Variants in ABCC3 observed in about 807,000 individuals in gnomAD.
ABCC3 encodes ATP binding cassette subfamily C member 3, also known as ATP-binding cassette sub-family C member 3.
A neutral mutation model predicts 165.3 loss-of-function variants in ABCC3; 121 were observed. The observed-to-expected ratio is 0.73, with a 90% confidence interval of 0.63 to 0.85. The LOEUF is 0.85. Ranked by LOEUF, ABCC3 falls within the 40% of genes least tolerant of loss-of-function variation. The pLI is 0.00. For synonymous variants in ABCC3, 733 were observed against 810.1 expected, an observed-to-expected ratio of 0.90 and a Z score of 1.62; for missense variants, 1,869 against 1,964.1, an observed-to-expected ratio of 0.95 and a Z score of 0.92.
At chr17:50,682,880 G>A (rs1967952327) in intron 26 of ABCC3, among the ~76,000 whole-genome samples, 1 of 152,158 alleles carries the variant, frequency 6.6e-6, no homozygotes, top group South Asian at 2.1e-4. Flanking sequence ...ATGAGAGGGG[G>A]AGTTAGGGCA....
rs1220727416 is a variant in ABCC3, at chr17:50,658,122, T to G, written c.527T>G (p.Ile176Ser). The change falls in exon 5 of 31, where the codon ATC (isoleucine) becomes AGC (serine). Residue 176 changes from isoleucine (I) to serine (S), a missense_variant. Ile to Ser is a moderately radical substitution (Grantham distance 142). Transcript: ENST00000285238. ...CCCTTCCGCTTCACCACCTTCTACA[T>G]CCACTTTGCCCTGGTACTCTCTGCC... ...SDPFRFTTFY[I>S]HFALVLSALI... 1.9e-6 allele frequency: 3 copies of G among 1,614,034 alleles called. No individual in the cohort carries two copies. Among genetic ancestry groups the G allele is most frequent in the Non-Finnish European group, 2.5e-6 (3 of 1,180,018 alleles).
chr17:50,683,622 G>A lies in ABCC3; in HGVS notation c.3820G>A (p.Val1274Met). ...CCCCTCCTGCCAGGCGCCCTGGGTG[G>A]TGGAAGGCAGCCGCCCTCCCGAAGG... The part of the protein sequence containing the change: ...SKTETEAPWV[V>M]EGSRPPEGWP... The change falls in exon 27 of 31, where the codon GTG becomes ATG. Residue 1274 changes from valine to methionine, a missense_variant. Physicochemically the swap from Val to Met is conservative, Grantham distance 21. Coordinates refer to ENST00000285238, the MANE Select transcript of ABCC3 (RefSeq NM_003786.4). 1 of 1,579,710 alleles carries A rather than the reference G, an allele frequency of 6.3e-7. No homozygotes were observed. The highest frequency in any genetic ancestry group is 1.1e-5 in the South Asian group (1 of 87,020).
At position 50,676,354 on chromosome 17, in the gene ABCC3, G is replaced by A. The variant is rs1967807812; in HGVS notation, c.3144G>A (p.Leu1048=). The A allele has an allele frequency of 6.2e-7, 1 of 1,614,198 alleles. No homozygotes were observed. Among genetic ancestry groups the A allele is most frequent in the Non-Finnish European group, 8.5e-7 (1 of 1,180,032 alleles). Residue 1048 remains leucine, a synonymous_variant, in exon 23 of 31, where the codon CTG becomes CTA. Coordinates refer to ENST00000285238, the MANE Select transcript of ABCC3 (RefSeq NM_003786.4). The stretch of plus-strand genomic sequence containing the variant: ...CTGCCCGTGTGTTGCACCAGGCACT[G>A]CTGCACAACAAGATACGCTCGCCAC... ...IQAARVLHQA[L]LHNKIRSPQS...
At chr17:50,657,290 G>A in intron 4 of ABCC3, 107 bp downstream of exon 4, 2 of 1,406,590 alleles carry the variant, frequency 1.4e-6, no homozygotes, top group East Asian at 2.3e-5. Flanking sequence ...GAGGCTTCAA[G>A]TACAAACACA....
In ABCC3 at chr17:50,667,709, C is replaced by T; in HGVS notation, c.1587C>T (p.Ala529=). The change falls in exon 12 of 31, where the codon GCC becomes GCT. Residue 529 remains alanine (A), a synonymous_variant. Transcript: ENST00000285238. ...AGCTCCAGCTGCTGCGCACGGCGGCCTACCTCCACACCACAACCACCTTCA... is the reference window on the plus strand; with the variant it reads ...AGCTCCAGCTGCTGCGCACGGCGGCTTACCTCCACACCACAACCACCTTCA... The part of the protein sequence containing the change: ...QGELQLLRTA[A]YLHTTTTFTW... 3 of 1,614,124 alleles carry T rather than the reference C, an allele frequency of 1.9e-6. No homozygotes were observed. The highest frequency in any genetic ancestry group is 2.5e-6 in the Non-Finnish European group (3 of 1,180,038).
intron 15 of ABCC3, 59 bp downstream of exon 15, chr17:50,668,978 A>G (rs1219695943): frequency 1.3e-6 from 2 of 1,599,242 alleles, no homozygotes; most frequent in African/African-American, 1.3e-5. Flanking sequence ...GTTCAGATCA[A>G]TAGCAGCACC....
intron 1 of ABCC3, among the ~76,000 whole-genome samples, chr17:50,644,976 C>G (rs923043478): frequency 6.6e-5 from 10 of 152,314 alleles, no homozygotes; most frequent in South Asian, 2.1e-4. Flanking sequence ...CGAGATCACG[C>G]CACTGCACTC....
At chr17:50,665,856 T>C (rs921652769) in intron 11 of ABCC3, among the ~76,000 whole-genome samples, 1 of 151,510 alleles carries the variant, frequency 6.6e-6, no homozygotes, top group African/African-American at 2.4e-5. Context: ...AGGTGATCCG[T>C]TCATCTTAGC....
rs1597862249 is a variant in ABCC3, at chr17:50,684,772, G to A, written c.4177G>A (p.Glu1393Lys). ...NLDPFGSYSE[E>K]DIWWALELSH... is the part of the protein sequence containing the mutation. Reference sequence around the variant, plus strand: ...GGACCCCTTCGGCAGCTACTCAGAGGAGGACATTTGGTGGGCTTTGGAGCT... The same window carrying A: ...GGACCCCTTCGGCAGCTACTCAGAGAAGGACATTTGGTGGGCTTTGGAGCT... The change falls in exon 29 of 31, where the codon GAG becomes AAG. Residue 1393 changes from glutamate to lysine, a missense_variant. Glu to Lys is a moderately conservative substitution (Grantham distance 56, BLOSUM62 1). Coordinates refer to ENST00000285238, the MANE Select transcript of ABCC3 (RefSeq NM_003786.4). 1.2e-6 allele frequency: 2 copies of A among 1,614,190 alleles called. No homozygotes were observed. Among genetic ancestry groups the A allele is most frequent in the Non-Finnish European group, 1.7e-6 (2 of 1,180,028 alleles).
Position 50,677,899 on chromosome 17 carries a change from G to A in ABCC3, c.3534G>A (p.Val1178=), listed in dbSNP as rs1284167391. 1.2e-6 allele frequency: 2 copies of A among 1,614,040 alleles called. No homozygotes were observed. The highest frequency in any genetic ancestry group is 2.7e-5 in the African/African-American group (2 of 74,896). Residue 1178 remains valine, a synonymous_variant, in exon 24 of 31, where the codon GTG becomes GTA. Coordinates refer to ENST00000285238, the MANE Select transcript of ABCC3 (RefSeq NM_003786.4). ...TTGAGATCATCAGTGATACTAAGGT[G>A]GATGCCAACCAGAGAAGCTGCTACC... The part of the protein sequence containing the change: ...RDFEIISDTK[V]DANQRSCYPY...
intron 1 of ABCC3, among the ~76,000 whole-genome samples, chr17:50,654,382 A>G (rs1240297499): frequency 6.6e-6 from 1 of 152,186 alleles, no homozygotes; most frequent in African/African-American, 2.4e-5. Context: ...TTATTAATGA[A>G]TGTATTCCCC....
intron 6 of ABCC3, 143 bp from the exon 7 acceptor site, chr17:50,659,094 G>A (rs1967320638): frequency 1.0e-6 from 1 of 976,674 alleles, no homozygotes; most frequent in Non-Finnish European, 1.5e-6. Context: ...AGGAAATGAA[G>A]GAGACACCTT....
intron 29 of ABCC3, among the ~76,000 whole-genome samples, chr17:50,686,960 A>G (rs1968033404): frequency 6.6e-6 from 1 of 152,158 alleles, no homozygotes; most frequent in Non-Finnish European, 1.5e-5. Flanking sequence ...CTTCCAGAGC[A>G]GGAGGCTGAA....
In ABCC3 at chr17:50,658,019, G is replaced by A; in HGVS notation, c.487-63G>A. ...GACTGATGCCCCAAGGGACTCCGCA[G>A]GGCAGGGGCTGCAGGCCCAGGCTTT... On this transcript the variant is annotated intron_variant, in intron 4 of 30. Coordinates refer to ENST00000285238, the MANE Select transcript of ABCC3 (RefSeq NM_003786.4). The A allele has an allele frequency of 6.2e-6, 10 of 1,611,202 alleles. No homozygotes were observed. The South Asian group carries it at 9.9e-5, about 16-fold the overall frequency.
chr17:50,661,175 C>T, intron 8 of ABCC3, 61 bp downstream of exon 8: 1 of 1,491,204 alleles, frequency 6.7e-7, no homozygotes, highest in Non-Finnish European at 9.0e-7. Context: ...GCTGGCTAGC[C>T]CAGAGGAAGG....
intron 11 of ABCC3, among the ~76,000 whole-genome samples, chr17:50,666,834 C>T (rs1294925634): frequency 1.3e-5 from 2 of 152,156 alleles, no homozygotes; most frequent in Non-Finnish European, 2.9e-5. Flanking sequence ...ATAAATAGTC[C>T]ATCCCCTCAG....
At chr17:50,648,248 C>G (rs2146595457) in intron 1 of ABCC3, among the ~76,000 whole-genome samples, 1 of 152,234 alleles carries the variant, frequency 6.6e-6, no homozygotes, top group Non-Finnish European at 1.5e-5. Flanking sequence ...GAGGAGTGAT[C>G]ACTGACACAG....
intron 29 of ABCC3, among the ~76,000 whole-genome samples, chr17:50,686,747 A>G (rs900362864): frequency 1.3e-5 from 2 of 152,030 alleles, no homozygotes; most frequent in African/African-American, 4.8e-5. Flanking sequence ...TTCCACCATA[A>G]ATCAGCCCTG....
At chr17:50,652,385 G>A (rs567857238) in intron 1 of ABCC3, among the ~76,000 whole-genome samples, 63 of 130,310 alleles carry the variant, frequency 4.8e-4, no homozygotes, top group African/African-American at 1.6e-3. Context: ...AATAAGATTC[G>A]TGAAGGAGCT....
Sources: gnomAD v4.1 joint callset for allele counts (sites outside exome capture counted in the v4.1 genomes callset) on GRCh38, gnomAD v4.1.1 for gene constraint, MANE v1.5 for transcripts, NCBI Gene and HGNC (gene_info 2026-07-23, HGNC 2026-07-21) for gene names.